Variants in OPHN1 observed in about 807,000 individuals in gnomAD.
OPHN1 encodes oligophrenin-1.
Under a neutral mutation model 60.7 loss-of-function variants are expected in OPHN1, and 11 were observed. That is an observed-to-expected ratio of 0.18 (90% CI 0.11 to 0.30). OPHN1 has a LOEUF of 0.30. Ranked by LOEUF, OPHN1 falls within the 10% of genes least tolerant of loss-of-function variation. OPHN1 has a pLI of 1.00. For missense variants in OPHN1, 449 were observed against 611.0 expected (o/e 0.73, Z 2.80); for synonymous variants, 226 against 222.6 (o/e 1.02, Z -0.14).
At chrX:68,317,376 A>AAGGAAGG (rs2078207055) in intron 2 of OPHN1, among the ~76,000 whole-genome samples, 3 of 50,584 alleles carry the variant, frequency 5.9e-5, no homozygotes, top group African/African-American at 2.1e-4. Flanking sequence ...AGAAAGAAAG[A>AAGGAAGG]AAGGAAGGAA....
chrX:68,158,451 A>G (rs1397581617), intron 15 of OPHN1, among the ~76,000 whole-genome samples: 1 of 112,668 alleles, frequency 8.9e-6, no homozygotes, highest in African/African-American at 3.2e-5. Context: ...TCTCCACGTT[A>G]GAAGAGATAC....
chrX:68,317,785 T>C (rs779714620), intron 2 of OPHN1, among the ~76,000 whole-genome samples: 16 of 110,708 alleles, frequency 1.4e-4, no homozygotes, highest in Non-Finnish European at 2.8e-4. Context: ...TCCAAACACA[T>C]GGAAACTAAC....
intron 2 of OPHN1, among the ~76,000 whole-genome samples, chrX:68,429,272 A>T (rs1167468702): frequency 9.0e-6 from 1 of 110,639 alleles, no homozygotes; most frequent in Non-Finnish European, 1.9e-5. Flanking sequence ...AAAAAAATAC[A>T]AAATTTAACT....
At chrX:68,329,156 G>A (rs2078282675) in intron 2 of OPHN1, among the ~76,000 whole-genome samples, 1 of 112,084 alleles carries the variant, frequency 8.9e-6, no homozygotes, top group Non-Finnish European at 1.9e-5. Flanking sequence ...GACCTCAAGT[G>A]ATCCACCCAC....
intron 6 of OPHN1, among the ~76,000 whole-genome samples, chrX:68,218,393 G>A (rs1220004204): frequency 5.0e-5 from 5 of 99,380 alleles, no homozygotes; most frequent in Non-Finnish European, 1.0e-4. Flanking sequence ...AATCTAGCAA[G>A]GCAGGCCAAC....
chrX:68,142,324 C>G (rs1448141723), intron 15 of OPHN1, among the ~76,000 whole-genome samples: 1 of 112,036 alleles, frequency 8.9e-6, no homozygotes, highest in African/African-American at 3.2e-5. Flanking sequence ...GTAGTGGAGA[C>G]AGACTAAAAA....
At chrX:68,174,537 T>C (rs1490046105) in intron 15 of OPHN1, among the ~76,000 whole-genome samples, 1 of 90,678 alleles carries the variant, frequency 1.1e-5, no homozygotes, top group Non-Finnish European at 2.1e-5. Context: ...AGTGGTGCAA[T>C]CGCAGCTTAC....
At chrX:68,242,671 G>A (rs1011945524) in intron 5 of OPHN1, among the ~76,000 whole-genome samples, 21 of 110,906 alleles carry the variant, frequency 1.9e-4, no homozygotes, top group Non-Finnish European at 3.0e-4. Flanking sequence ...AAACCCAAAT[G>A]TCTATCAATT....
At chrX:68,163,798 T>C (rs1332220741) in intron 15 of OPHN1, among the ~76,000 whole-genome samples, 1 of 111,004 alleles carries the variant, frequency 9.0e-6, no homozygotes, top group Non-Finnish European at 1.9e-5. Context: ...GTGACGTGTA[T>C]CTCATTGTGG....
At chrX:68,212,979 C>A (rs1464474682) in intron 7 of OPHN1, among the ~76,000 whole-genome samples, 1 of 112,378 alleles carries the variant, frequency 8.9e-6, no homozygotes. Context: ...GGAGTCTAAA[C>A]CAACTTTAAA....
In OPHN1 at chrX:68,189,811, A is replaced by G. The variant is rs1468367683; in HGVS notation, c.1276+3108T>C. Among the ~76,000 whole-genome samples, 5 of 111,908 alleles carry G rather than the reference A, an allele frequency of 4.5e-5. No individual in the cohort carries two copies. In the East Asian group the frequency reaches 1.4e-3, roughly 31 times the overall value. On this transcript the variant is annotated intron_variant, in intron 15 of 24. Coordinates refer to ENST00000355520, the MANE Select transcript of OPHN1 (RefSeq NM_002547.3). ...CTCTGTGATATATTTTATTTCCCAAAAAGACAAACTTTTGTCTAGGGGAAG... is the reference window on the plus strand; with the variant it reads ...CTCTGTGATATATTTTATTTCCCAAGAAGACAAACTTTTGTCTAGGGGAAG...
intron 15 of OPHN1, among the ~76,000 whole-genome samples, chrX:68,173,664 GA>G (rs1431063123): frequency 1.8e-3 from 185 of 100,486 alleles, no homozygotes; most frequent in African/African-American, 5.4e-3. Flanking sequence ...GACCAAATTA[GA>G]AAAAAAAAAA....
chrX:68,195,014 G>GGAAGGAAT (rs2077506092), intron 12 of OPHN1, among the ~76,000 whole-genome samples: 1 of 59,774 alleles, frequency 1.7e-5, no homozygotes, highest in Non-Finnish European at 2.9e-5. Flanking sequence ...AAGGAAGGAA[G>GGAAGGAAT]GAAGGAAGGA....
chrX:68,336,279 T>C (rs2078321818), intron 2 of OPHN1: 1 of 110,989 alleles, frequency 9.0e-6, no homozygotes, highest in Admixed American at 9.7e-5. Flanking sequence ...TCCCAACACT[T>C]TGGGAGGCCG....
At chrX:68,205,738 AC>A (rs1366161922) in intron 10 of OPHN1, among the ~76,000 whole-genome samples, 2 of 111,676 alleles carry the variant, frequency 1.8e-5, no homozygotes. Flanking sequence ...ATTCCTCCCT[AC>A]CTAAATTGGG....
intron 4 of OPHN1, among the ~76,000 whole-genome samples, chrX:68,276,856 T>A (rs2077994158): frequency 1.8e-5 from 2 of 110,387 alleles, no homozygotes; most frequent in Admixed American, 1.9e-4. Context: ...TACCCTGAGA[T>A]TACCAAACAG....
intron 12 of OPHN1, among the ~76,000 whole-genome samples, chrX:68,196,602 A>G (rs769603021): frequency 2.7e-5 from 3 of 111,718 alleles, no homozygotes; most frequent in Non-Finnish European, 5.6e-5. Context: ...TCGCTTGATG[A>G]TAATCAGTAA....
At chrX:68,384,847 G>A (rs1286455044) in intron 2 of OPHN1, among the ~76,000 whole-genome samples, 2 of 111,518 alleles carry the variant, frequency 1.8e-5, no homozygotes, top group African/African-American at 3.3e-5. Context: ...TTATAAGTGC[G>A]AACTAAGCTA....
intron 5 of OPHN1, among the ~76,000 whole-genome samples, chrX:68,236,958 C>A (rs2077755654): frequency 8.9e-6 from 1 of 112,259 alleles, no homozygotes; most frequent in African/African-American, 3.2e-5. Flanking sequence ...ACCACACTAT[C>A]TTGATTACTG....
Sources: gnomAD v4.1 joint callset for allele counts (sites outside exome capture counted in the v4.1 genomes callset) on GRCh38, gnomAD v4.1.1 for gene constraint, MANE v1.5 for transcripts, NCBI Gene and HGNC (gene_info 2026-07-23, HGNC 2026-07-21) for gene names.